SLC6A17: variants seen among roughly 807,000 people sequenced by gnomAD.
SLC6A17 encodes solute carrier family 6 member 17.
Under a neutral mutation model 64.5 loss-of-function variants are expected in SLC6A17, and 21 were observed. The ratio of observed to expected loss-of-function variants is 0.33; its 90% confidence interval spans 0.23 to 0.47. The LOEUF (loss-of-function observed/expected upper bound fraction) is 0.47. Ranked by LOEUF, SLC6A17 falls within the 20% of genes least tolerant of loss-of-function variation. The pLI, the probability that SLC6A17 is intolerant of heterozygous loss-of-function variation, is 1.00. For synonymous variants in SLC6A17, 372 were observed against 399.5 expected, an observed-to-expected ratio of 0.93 and a Z score of 0.82; for missense variants, 682 against 963.2, an observed-to-expected ratio of 0.71 and a Z score of 3.86.
At chr1:110,170,212 C>T (rs988594334) in intron 2 of SLC6A17, among the ~76,000 whole-genome samples, 2 of 152,168 alleles carry the variant, frequency 1.3e-5, no homozygotes, top group Admixed American at 1.3e-4. Context: ...TGGCTGGGCG[C>T]AGTGGCTCAC....
rs576264671 is a variant in SLC6A17 at position 110,192,325 on chromosome 1, T to C, written c.1106+112T>C. On this transcript the variant is annotated intron_variant, in intron 7 of 11. Coordinates refer to ENST00000331565, the MANE Select transcript of SLC6A17 (RefSeq NM_001010898.4). This position sits in a 1 kb window ranked among gnomAD's most constrained non-coding sequence, Gnocchi z 4.3. ...GGAGAGAGGTCCCCTCCACTCAGACTGAGGAATGGAGATCAGAGGAGCACT... is the reference window on the plus strand; with the variant it reads ...GGAGAGAGGTCCCCTCCACTCAGACCGAGGAATGGAGATCAGAGGAGCACT... 61 of 1,500,386 alleles carry C rather than the reference T, an allele frequency of 4.1e-5. 1 individual carries two copies. The South Asian group carries it at 7.4e-4, about 18-fold the overall frequency. The allele number at this position is 1,500,386 out of a possible 1,614,324, so 92.9% of individuals were successfully genotyped here.
rs1256459371 is a variant in SLC6A17, at chr1:110,172,228, G to A, written c.444+11G>A. 6.4e-7 allele frequency: 1 copy of A among 1,568,084 alleles called. No individual in the cohort carries two copies. Among genetic ancestry groups the A allele is most frequent in the Admixed American group, 1.9e-5 (1 of 53,556 alleles). On this transcript the variant is annotated intron_variant, in intron 3 of 11. Coordinates refer to ENST00000331565, the MANE Select transcript of SLC6A17 (RefSeq NM_001010898.4). Reference sequence around the variant, plus strand: ...TTCTCCAGCTGCATAGTGAGTCAAGGGCTGGGGCAGGCACTGAGTGGGAGG... The same window carrying A: ...TTCTCCAGCTGCATAGTGAGTCAAGAGCTGGGGCAGGCACTGAGTGGGAGG...
chr1:110,157,589 A>T (rs1338811269), intron 1 of SLC6A17, among the ~76,000 whole-genome samples: 1 of 152,084 alleles, frequency 6.6e-6, no homozygotes, highest in Non-Finnish European at 1.5e-5. Flanking sequence ...ATAAATAAAT[A>T]AAAATAAAAT....
chr1:110,181,463 G>A (rs950897627), intron 6 of SLC6A17, among the ~76,000 whole-genome samples: 18 of 152,192 alleles, frequency 1.2e-4, no homozygotes, highest in Non-Finnish European at 2.6e-4. Context: ...CACCTGTTAC[G>A]TGCACTGTTC....
At chr1:110,179,955 T>C (rs1455318626) in intron 6 of SLC6A17, among the ~76,000 whole-genome samples, 1 of 152,056 alleles carries the variant, frequency 6.6e-6, no homozygotes, top group East Asian at 1.9e-4. Context: ...CTTTAAAAAA[T>C]CAAATCCAGG....
In SLC6A17 at chr1:110,199,776, A is replaced by T. The variant is rs1657070836; in HGVS notation, c.*1332A>T. ...CATTACCTTCAGGGCCTCCTCTGGA[A>T]GAGAACCCATTCTCAGAGTGCAGCC... On this transcript the variant is annotated 3_prime_UTR_variant, in exon 12 of 12. Transcript: ENST00000331565. 2.6e-6 allele frequency: 1 copy of T among 387,516 alleles called. No individual in the cohort carries two copies. The highest frequency in any genetic ancestry group is 4.6e-6 in the Non-Finnish European group (1 of 219,520). 24.0% of individuals were successfully genotyped at this position (387,516 alleles called of 1,614,324 possible). A position where few individuals can be genotyped will look rare whatever the true frequency, so the allele number is the denominator to read the frequency against.
chr1:110,162,559 G>A (rs1006018345), intron 1 of SLC6A17, among the ~76,000 whole-genome samples: 9 of 152,154 alleles, frequency 5.9e-5, no homozygotes, highest in African/African-American at 9.7e-5. Flanking sequence ...ACATGGGTAC[G>A]GGAAGAGAGG....
chr1:110,195,476 G>A, intron 9 of SLC6A17, 110 bp from the exon 10 acceptor site: 26 of 1,349,582 alleles, frequency 1.9e-5, no homozygotes, highest in Non-Finnish European at 2.7e-5. Context: ...AGGGCTGCAG[G>A]CATGCTTTGG....
intron 3 of SLC6A17, 147 bp downstream of exon 3, chr1:110,172,364 C>A: frequency 1.9e-6 from 2 of 1,077,612 alleles, no homozygotes; most frequent in Non-Finnish European, 2.6e-6. Flanking sequence ...TTACTCACAG[C>A]TGGGGTTCCA....
At chr1:110,164,606 C>G (rs1404157757) in intron 1 of SLC6A17, among the ~76,000 whole-genome samples, 3 of 152,194 alleles carry the variant, frequency 2.0e-5, no homozygotes, top group Admixed American at 2.0e-4. Flanking sequence ...TTCTTGGGCC[C>G]CCATCCCTCA....
intron 6 of SLC6A17, among the ~76,000 whole-genome samples, chr1:110,181,330 C>T (rs892322496): frequency 6.6e-6 from 1 of 152,248 alleles, no homozygotes; most frequent in Non-Finnish European, 1.5e-5. Flanking sequence ...CAGATGTACT[C>T]ATACGTAAGC....
chr1:110,195,563 A>C, intron 9 of SLC6A17, 23 bp from the exon 10 acceptor site: 2 of 1,612,912 alleles, frequency 1.2e-6, no homozygotes, highest in Non-Finnish European at 1.7e-6. Flanking sequence ...TTGCCCCCAA[A>C]CCGGCCTCCC....
intron 1 of SLC6A17, among the ~76,000 whole-genome samples, chr1:110,157,541 C>A (rs1655790704): frequency 6.6e-6 from 1 of 151,940 alleles, no homozygotes. Flanking sequence ...CCACTGCACT[C>A]CAGCCTGGGC....
intron 6 of SLC6A17, among the ~76,000 whole-genome samples, chr1:110,187,222 AATCAGGCAGAACAATTCG>A: frequency 6.6e-6 from 1 of 152,266 alleles, no homozygotes; most frequent in East Asian, 1.9e-4. Flanking sequence ...ACAATTCGCT[AATCAGGCAGAACAATTCG>A]CGAATCGGGC....
At chr1:110,167,268 G>A (rs1372524455) in intron 2 of SLC6A17, 53 bp downstream of exon 2, 3 of 1,560,582 alleles carry the variant, frequency 1.9e-6, no homozygotes, top group Non-Finnish European at 2.6e-6. Flanking sequence ...GGCCGGGGAT[G>A]AGGGGTAAAA....
At chr1:110,173,863 C>T (rs1656304249) in intron 3 of SLC6A17, 110 bp from the exon 4 acceptor site, 1 of 1,475,838 alleles carries the variant, frequency 6.8e-7, no homozygotes, top group Non-Finnish European at 9.0e-7. Flanking sequence ...TCTCTTGAGG[C>T]TGTGCTGCTG....
rs777243417 is a variant in SLC6A17, at chr1:110,198,270, C to T, written c.2010C>T (p.Asn670=). 3.1e-6 allele frequency: 5 copies of T among 1,614,182 alleles called. No homozygotes were observed. The highest frequency in any genetic ancestry group is 1.1e-5 in the South Asian group (1 of 91,078). The change falls in exon 12 of 12, where the codon AAC becomes AAT. Residue 670 remains asparagine (N), a synonymous_variant. Coordinates refer to ENST00000331565, the MANE Select transcript of SLC6A17 (RefSeq NM_001010898.4). ...AGGACATCTCCAACCTGGAGGAGAA[C>T]GATGAGACCCGCTTCATCCTCAGCA... ...MMKDISNLEE[N]DETRFILSKV...
intron 3 of SLC6A17, among the ~76,000 whole-genome samples, chr1:110,172,808 C>A (rs932030430): frequency 5.3e-5 from 8 of 152,170 alleles, no homozygotes; most frequent in African/African-American, 1.7e-4. Context: ...TGTGAGGTCT[C>A]CAGGCTCATC....
intron 1 of SLC6A17, among the ~76,000 whole-genome samples, chr1:110,165,126 G>A (rs1045323025): frequency 6.6e-6 from 1 of 152,152 alleles, no homozygotes; most frequent in Non-Finnish European, 1.5e-5. Context: ...TTCTCTGTTT[G>A]CATGCCCTGC....
Sources: allele counts gnomAD v4.1 joint callset (sites outside exome capture counted in the v4.1 genomes callset), GRCh38; gene constraint gnomAD v4.1.1; non-coding constraint Gnocchi (gnomAD v3.1); transcripts MANE v1.5; gene names NCBI Gene and HGNC (gene_info 2026-07-23, HGNC 2026-07-21).